The following PTPRM variants were observed in gnomAD, a reference collection of about 807,000 sequenced individuals.
PTPRM encodes the protein receptor-type tyrosine-protein phosphatase mu.
Under a neutral mutation model 186.7 loss-of-function variants are expected in PTPRM, and 47 were observed. The ratio of observed to expected loss-of-function variants is 0.25; its 90% CI spans 0.20 to 0.32. The LOEUF (loss-of-function observed/expected upper bound fraction) is 0.32, where lower values mean the gene tolerates loss of function less well. PTPRM is among the 10% of genes least tolerant of loss of function. PTPRM has a pLI of 1.00. For synonymous variants in PTPRM, 668 were observed against 674.9 expected, an observed-to-expected ratio of 0.99 and a Z score of 0.16; for missense variants, 1,494 against 1,865.0, an observed-to-expected ratio of 0.80 and a Z score of 3.66.
chr18:8,035,523 C>G (rs2086265003), intron 7 of PTPRM, among the ~76,000 whole-genome samples: 4 of 152,200 alleles, frequency 2.6e-5, no homozygotes, highest in African/African-American at 9.6e-5. Context: ...AATGTAAATG[C>G]TATGTAAATA....
chr18:7,684,294 T>TA (rs67213632), intron 1 of PTPRM, among the ~76,000 whole-genome samples: 3 of 150,524 alleles, frequency 2.0e-5, no homozygotes, highest in Non-Finnish European at 4.4e-5. Context: ...AGACCTCATT[T>TA]AAAAAAAAAT....
chr18:8,384,835 G>T lies in PTPRM; in HGVS notation c.4044+149G>T. 3 of 980,230 alleles carry T rather than the reference G, an allele frequency of 3.1e-6. No homozygotes were observed. In the South Asian group the frequency reaches 4.9e-5, roughly 16 times the overall value. The allele number at this position is 980,230 out of a possible 1,614,324, so 60.7% of individuals were successfully genotyped here. A position where few individuals can be genotyped will look rare whatever the true frequency, so the allele number is the denominator to read the frequency against. ...AAAAAACATAGATTCCTGACCTTAT[G>T]GAGCTTACATTCTAATAGGAGCAGT... On this transcript the variant is annotated intron_variant, in intron 30 of 32. Transcript: ENST00000580170.
intron 20 of PTPRM, among the ~76,000 whole-genome samples, chr18:8,313,536 A>C (rs1413237686): frequency 6.6e-6 from 1 of 152,148 alleles, no homozygotes; most frequent in Non-Finnish European, 1.5e-5. Context: ...CAGTGCAGGA[A>C]AATTCTGCCC....
intron 7 of PTPRM, among the ~76,000 whole-genome samples, chr18:8,031,396 G>A (rs1163943946): frequency 6.6e-6 from 1 of 152,168 alleles, no homozygotes; most frequent in Admixed American, 6.5e-5. Flanking sequence ...GGGACATCAT[G>A]CGTTTGATAT....
chr18:8,223,039 C>T (rs1343390407), intron 14 of PTPRM, among the ~76,000 whole-genome samples: 2 of 152,060 alleles, frequency 1.3e-5, no homozygotes, highest in Non-Finnish European at 2.9e-5. Flanking sequence ...GCCTGGTCAA[C>T]ATTGCGAAAC....
At chr18:7,707,588 A>G (rs574363845) in intron 1 of PTPRM, among the ~76,000 whole-genome samples, 1 of 152,212 alleles carries the variant, frequency 6.6e-6, no homozygotes, top group East Asian at 1.9e-4. Context: ...ACGGTGGGCT[A>G]TGATCATGCA....
At chr18:7,916,511 G>T (rs955394350) in intron 4 of PTPRM, among the ~76,000 whole-genome samples, 1 of 152,100 alleles carries the variant, frequency 6.6e-6, no homozygotes, top group Admixed American at 6.6e-5. Context: ...GTGCCAACAC[G>T]GTCAGGTTAT....
chr18:7,710,134 G>A (rs2040181158), intron 1 of PTPRM, among the ~76,000 whole-genome samples: 1 of 152,136 alleles, frequency 6.6e-6, no homozygotes, highest in Non-Finnish European at 1.5e-5. Context: ...GAACACAGAT[G>A]CAAAAATTCT....
intron 7 of PTPRM, among the ~76,000 whole-genome samples, chr18:8,035,889 A>C (rs1313174886): frequency 6.6e-6 from 1 of 152,172 alleles, no homozygotes; most frequent in East Asian, 1.9e-4. Flanking sequence ...TTGAGGTTCA[A>C]GGTGAATAAG....
intron 2 of PTPRM, among the ~76,000 whole-genome samples, chr18:7,833,645 A>T (rs913277333): frequency 6.6e-6 from 1 of 152,038 alleles, no homozygotes; most frequent in Non-Finnish European, 1.5e-5. Flanking sequence ...GAGGTAGGAG[A>T]ATCACTTGAA....
chr18:7,728,683 C>T (rs2040596669), intron 1 of PTPRM, among the ~76,000 whole-genome samples: 1 of 152,212 alleles, frequency 6.6e-6, no homozygotes, highest in Non-Finnish European at 1.5e-5. Flanking sequence ...AGCCTTCAGG[C>T]TGTTTTAGGC....
Position 8,394,620 on chromosome 18 carries a change from C to A in PTPRM, c.4344+9C>A. ...ACATGGTCGACCTCCTGGTAGGACA[C>A]CCCCTCTGAGCTGTTCCATGAGACA... is the stretch of plus-strand genomic sequence containing the variant. On this transcript the variant is annotated intron_variant, in intron 32 of 32. Coordinates refer to ENST00000580170, the MANE Select transcript of PTPRM (RefSeq NM_001105244.2). The A allele has an allele frequency of 1.2e-6, 2 of 1,606,884 alleles. No homozygotes were observed. Among genetic ancestry groups the A allele is most frequent in the Non-Finnish European group, 1.7e-6 (2 of 1,176,234 alleles).
intron 11 of PTPRM, among the ~76,000 whole-genome samples, chr18:8,098,780 G>A (rs754133133): frequency 4.0e-5 from 6 of 150,642 alleles, no homozygotes; most frequent in South Asian, 2.1e-4. Context: ...CCTCCTTTTC[G>A]CTTTACCTTC....
intron 7 of PTPRM, among the ~76,000 whole-genome samples, chr18:8,013,736 A>G (rs1157179409): frequency 6.6e-6 from 1 of 152,216 alleles, no homozygotes; most frequent in Admixed American, 6.5e-5. Context: ...GTTCAAGGAT[A>G]ACAGGGTCAG....
chr18:8,098,682 A>G (rs2079599857), intron 11 of PTPRM, among the ~76,000 whole-genome samples: 1 of 152,144 alleles, frequency 6.6e-6, no homozygotes, highest in African/African-American at 2.4e-5. Flanking sequence ...AGATCCAATC[A>G]GGAAGGTCAC....
intron 1 of PTPRM, among the ~76,000 whole-genome samples, chr18:7,577,123 T>G (rs975380565): frequency 6.6e-6 from 1 of 152,156 alleles, no homozygotes; most frequent in African/African-American, 2.4e-5. Flanking sequence ...CTTAGGTATC[T>G]CCAATAACCT....
intron 14 of PTPRM, among the ~76,000 whole-genome samples, chr18:8,179,536 C>T (rs1296260366): frequency 1.3e-5 from 2 of 149,680 alleles, no homozygotes; most frequent in African/African-American, 2.5e-5. Context: ...GTGGTGCAAT[C>T]TCAGCTCACT....
At chr18:7,611,839 T>C (rs1400618316) in intron 1 of PTPRM, among the ~76,000 whole-genome samples, 1 of 152,148 alleles carries the variant, frequency 6.6e-6, no homozygotes, top group Non-Finnish European at 1.5e-5. Flanking sequence ...TTGTGAGACT[T>C]CCCCAACTGT....
chr18:8,344,957 AG>A (rs2095497284), intron 23 of PTPRM, among the ~76,000 whole-genome samples: 1 of 152,174 alleles, frequency 6.6e-6, no homozygotes. Context: ...CAGCCAGCCC[AG>A]GGAATTGGCA....
Sources: gnomAD v4.1 joint callset for allele counts (sites outside exome capture counted in the v4.1 genomes callset) on GRCh38, gnomAD v4.1.1 for gene constraint, MANE v1.5 for transcripts, NCBI Gene and HGNC (gene_info 2026-07-23, HGNC 2026-07-21) for gene names.